Variants in GPC6 observed in about 807,000 individuals in gnomAD.
GPC6 encodes glypican-6.
Under a neutral mutation model 55.2 loss-of-function variants are expected in GPC6, and 14 were observed. The observed-to-expected ratio is 0.25, with a 90% CI of 0.17 to 0.40. The LOEUF (loss-of-function observed/expected upper bound fraction) is 0.40. GPC6 is among the 10% of genes least tolerant of loss of function. The pLI, the probability that GPC6 is intolerant of heterozygous loss-of-function variation, is 1.00. For missense variants in GPC6, 641 were observed against 708.5 expected (o/e 0.90, Z 1.08); for synonymous variants, 278 against 259.6 (o/e 1.07, Z -0.68).
chr13:94,150,719 T>G (rs1887706715), intron 4 of GPC6, among the ~76,000 whole-genome samples: 1 of 150,462 alleles, frequency 6.6e-6, no homozygotes, highest in Admixed American at 6.7e-5. Flanking sequence ...GGGACCAGCA[T>G]GGATTAGGGA....
intron 2 of GPC6, among the ~76,000 whole-genome samples, chr13:93,707,409 G>A (rs1402897054): frequency 6.6e-6 from 1 of 151,732 alleles, no homozygotes; most frequent in Non-Finnish European, 1.5e-5. Context: ...ACAGCTTTGA[G>A]TGTTATGGAC....
intron 1 of GPC6, among the ~76,000 whole-genome samples, chr13:93,231,173 A>G (rs566829619): frequency 7.3e-5 from 11 of 151,700 alleles, no homozygotes; most frequent in African/African-American, 2.7e-4. Flanking sequence ...TGACTCTACT[A>G]GTAAGTAATG....
chr13:93,600,966 A>AG (rs58657442), intron 2 of GPC6, among the ~76,000 whole-genome samples: 1 of 147,940 alleles, frequency 6.8e-6, no homozygotes, highest in Admixed American at 6.7e-5. Context: ...AAAAAAAAAA[A>AG]GAAAAAAAAA....
At chr13:93,956,448 C>T (rs1879511146) in intron 3 of GPC6, among the ~76,000 whole-genome samples, 1 of 152,028 alleles carries the variant, frequency 6.6e-6, no homozygotes, top group African/African-American at 2.4e-5. Context: ...ACTGTGTTAC[C>T]ACAGAAATTC....
At chr13:94,313,242 A>G (rs1405460503) in intron 6 of GPC6, among the ~76,000 whole-genome samples, 1 of 152,230 alleles carries the variant, frequency 6.6e-6, no homozygotes, top group Non-Finnish European at 1.5e-5. Flanking sequence ...GGGGAACATC[A>G]TAAGACACAT....
intron 1 of GPC6, among the ~76,000 whole-genome samples, chr13:93,363,879 T>C (rs1336842789): frequency 6.6e-6 from 1 of 152,118 alleles, no homozygotes; most frequent in African/African-American, 2.4e-5. Context: ...AATTCTCTGA[T>C]GGCCAGTGAT....
rs139591068 is a variant in GPC6, at chr13:93,484,801, G to A, written c.161-60462G>A. ...TTGAATTTGTCAATTCTGTGTTAGC[G>A]ATGACTATTGCTATGACAGAAATTT... On this transcript the variant is annotated intron_variant, in intron 1 of 8. Coordinates refer to ENST00000377047, the MANE Select transcript of GPC6 (RefSeq NM_005708.5). Among the ~76,000 whole-genome samples, 4 of 152,162 alleles carry A rather than the reference G, an allele frequency of 2.6e-5. No homozygotes were observed. The East Asian group carries it at 7.7e-4, about 29-fold the overall frequency.
intron 3 of GPC6, among the ~76,000 whole-genome samples, chr13:93,975,022 A>C (rs886500863): frequency 1.1e-4 from 17 of 152,156 alleles, no homozygotes; most frequent in African/African-American, 2.4e-5. Flanking sequence ...AGTGATTCCC[A>C]AAGTATGGTC....
At chr13:93,822,920 G>A (rs1887107288) in intron 2 of GPC6, among the ~76,000 whole-genome samples, 1 of 151,278 alleles carries the variant, frequency 6.6e-6, no homozygotes. Flanking sequence ...CTGGAGTGCA[G>A]TGGCACGACC....
At chr13:94,139,753 C>G (rs764104562) in intron 4 of GPC6, among the ~76,000 whole-genome samples, 1 of 152,146 alleles carries the variant, frequency 6.6e-6, no homozygotes, top group Non-Finnish European at 1.5e-5. Context: ...GAGGTTCATT[C>G]TCCTCTGATG....
At chr13:93,456,679 A>C (rs1420865995) in intron 1 of GPC6, among the ~76,000 whole-genome samples, 2 of 152,100 alleles carry the variant, frequency 1.3e-5, no homozygotes, top group Non-Finnish European at 2.9e-5. Flanking sequence ...GGAGAAAGAT[A>C]ATATATGGAA....
intron 1 of GPC6, among the ~76,000 whole-genome samples, chr13:93,233,826 G>A (rs531916488): frequency 6.6e-6 from 1 of 152,190 alleles, no homozygotes; most frequent in South Asian, 2.1e-4. Flanking sequence ...TGGAGAAGGG[G>A]GCCCAAAGGT....
intron 7 of GPC6, among the ~76,000 whole-genome samples, chr13:94,386,713 C>T (rs1306487746): frequency 6.6e-6 from 1 of 152,170 alleles, no homozygotes; most frequent in Non-Finnish European, 1.5e-5. Flanking sequence ...AGTTTATAAA[C>T]TCAAGCCTGT....
intron 1 of GPC6, among the ~76,000 whole-genome samples, chr13:93,520,574 G>T (rs1881375639): frequency 6.6e-6 from 1 of 151,732 alleles, no homozygotes; most frequent in South Asian, 2.1e-4. Context: ...ATTTTTAAGA[G>T]TGTTGGAAAA....
intron 1 of GPC6, among the ~76,000 whole-genome samples, chr13:93,418,720 A>G (rs1203376754): frequency 1.3e-5 from 2 of 151,592 alleles, no homozygotes; most frequent in African/African-American, 4.8e-5. Context: ...TAATAGCACT[A>G]TACCGTAGTG....
intron 3 of GPC6, among the ~76,000 whole-genome samples, chr13:93,890,279 T>C (rs1875589797): frequency 6.6e-6 from 1 of 152,132 alleles, no homozygotes; most frequent in African/African-American, 2.4e-5. Flanking sequence ...CTTAACACTG[T>C]AGGTTTACCT....
At chr13:94,402,233 T>C (rs1192961290) in intron 8 of GPC6, among the ~76,000 whole-genome samples, 1 of 152,236 alleles carries the variant, frequency 6.6e-6, no homozygotes, top group Non-Finnish European at 1.5e-5. Flanking sequence ...TGTTTTCCTC[T>C]ATTTTTCTTT....
chr13:93,367,675 C>CT (rs1358229991), intron 1 of GPC6, among the ~76,000 whole-genome samples: 2 of 152,066 alleles, frequency 1.3e-5, no homozygotes, highest in African/African-American at 4.8e-5. Flanking sequence ...TTGCAACTAA[C>CT]TGCCTCTTTG....
intron 1 of GPC6, among the ~76,000 whole-genome samples, chr13:93,286,296 C>T (rs1049198742): frequency 1.3e-5 from 2 of 152,196 alleles, no homozygotes; most frequent in Non-Finnish European, 2.9e-5. Context: ...CCCCACGATT[C>T]AGTGATCTCC....
Sources: gnomAD v4.1 joint callset for allele counts (sites outside exome capture counted in the v4.1 genomes callset) on GRCh38, gnomAD v4.1.1 for gene constraint, MANE v1.5 for transcripts, NCBI Gene and HGNC (gene_info 2026-07-23, HGNC 2026-07-21) for gene names.